WDR7: variants seen among roughly 807,000 people sequenced by gnomAD.
The protein encoded by WDR7 is WD repeat domain 7, also known as WD repeat-containing protein 7.
Under a neutral mutation model 169.4 loss-of-function variants are expected in WDR7, and 46 were observed. That is an observed-to-expected ratio of 0.27 (90% CI 0.21 to 0.35). The LOEUF (loss-of-function observed/expected upper bound fraction) is 0.35. WDR7 is among the 10% of genes least tolerant of loss of function. The probability of loss-of-function intolerance (pLI) is 1.00; values close to 1 mark genes in which losing one functional copy is unlikely to be tolerated. For synonymous variants in WDR7, 612 were observed against 666.8 expected, an observed-to-expected ratio of 0.92 and a Z score of 1.27; for missense variants, 1,534 against 1,859.3, an observed-to-expected ratio of 0.83 and a Z score of 3.22.
At chr18:56,963,083 A>T (rs1182587773) in intron 26 of WDR7, among the ~76,000 whole-genome samples, 1 of 152,136 alleles carries the variant, frequency 6.6e-6, no homozygotes, top group African/African-American at 2.4e-5. Flanking sequence ...GTGAAAAATT[A>T]TTGATTTAGT....
At chr18:56,798,331 T>C (rs1342269977) in intron 19 of WDR7, among the ~76,000 whole-genome samples, 2 of 152,196 alleles carry the variant, frequency 1.3e-5, no homozygotes, top group South Asian at 2.1e-4. Flanking sequence ...ATGAGTTTAC[T>C]TGTAGCTTTG....
At chr18:56,699,913 G>C in intron 12 of WDR7, 1 of 975,660 alleles carries the variant, frequency 1.0e-6, no homozygotes, top group Non-Finnish European at 1.2e-6. Flanking sequence ...ATACATGTCA[G>C]TAGGTATTTA....
intron 27 of WDR7, among the ~76,000 whole-genome samples, chr18:57,023,088 C>G (rs1266279461): frequency 6.6e-6 from 1 of 152,236 alleles, no homozygotes; most frequent in Middle Eastern, 3.2e-3. Context: ...GTACCAAACT[C>G]AGTCTTGAAA....
intron 25 of WDR7, among the ~76,000 whole-genome samples, chr18:56,940,774 C>T (rs905668144): frequency 1.3e-5 from 2 of 152,064 alleles, no homozygotes; most frequent in African/African-American, 4.8e-5. Context: ...CTTATAGCAC[C>T]AGCCACTGGC....
chr18:56,697,202 C>T (rs2025722735), intron 12 of WDR7, among the ~76,000 whole-genome samples: 1 of 152,148 alleles, frequency 6.6e-6, no homozygotes, highest in Non-Finnish European at 1.5e-5. Flanking sequence ...ACAAGTCATG[C>T]TTATCATAAT....
chr18:56,954,489 A>G (rs1340342627), intron 25 of WDR7, among the ~76,000 whole-genome samples: 1 of 152,142 alleles, frequency 6.6e-6, no homozygotes, highest in Non-Finnish European at 1.5e-5. Flanking sequence ...AAATAAAATC[A>G]TTTTTAAAAA....
chr18:56,974,553 T>A (rs1460262025), intron 26 of WDR7, among the ~76,000 whole-genome samples: 1 of 152,134 alleles, frequency 6.6e-6, no homozygotes, highest in East Asian at 1.9e-4. Context: ...GTCATAGAGC[T>A]TAACTAGTTA....
chr18:56,968,454 TAG>T (rs1285230532), intron 26 of WDR7, among the ~76,000 whole-genome samples: 1 of 152,250 alleles, frequency 6.6e-6, no homozygotes, highest in African/African-American at 2.4e-5. Flanking sequence ...TGTTTCTGTG[TAG>T]AGAGAATAGG....
At chr18:56,921,013 G>C (rs186990040) in intron 21 of WDR7, among the ~76,000 whole-genome samples, 2 of 152,130 alleles carry the variant, frequency 1.3e-5, no homozygotes, top group East Asian at 3.9e-4. Context: ...TTTAAAGGCT[G>C]GTTTCTTAAT....
intron 21 of WDR7, among the ~76,000 whole-genome samples, chr18:56,883,366 T>G (rs974163321): frequency 1.3e-5 from 2 of 152,090 alleles, no homozygotes; most frequent in African/African-American, 4.8e-5. Flanking sequence ...CTAATCACAG[T>G]TTATCTTTAC....
At chr18:56,668,623 G>A (rs2025070197) in intron 1 of WDR7, among the ~76,000 whole-genome samples, 1 of 152,156 alleles carries the variant, frequency 6.6e-6, no homozygotes, top group South Asian at 2.1e-4. Flanking sequence ...TAATTATTAG[G>A]AGTTTGGAAT....
At chr18:56,656,378 C>G (rs9945519) in intron 1 of WDR7, among the ~76,000 whole-genome samples, 102 of 150,356 alleles carry the variant, frequency 6.8e-4, no homozygotes, top group African/African-American at 2.3e-3. Context: ...CTCCCAGATT[C>G]AAGCAATTCT....
intron 26 of WDR7, among the ~76,000 whole-genome samples, chr18:57,016,719 TTAAG>T (rs1356446258): frequency 2.0e-5 from 3 of 152,216 alleles, no homozygotes; most frequent in Non-Finnish European, 4.4e-5. Flanking sequence ...CTTGGGTACA[TTAAG>T]TATTGTTCAT....
intron 14 of WDR7, 33 bp downstream of exon 14, chr18:56,731,630 A>G (rs1034177020): frequency 2.6e-6 from 4 of 1,557,042 alleles, no homozygotes; most frequent in Non-Finnish European, 1.8e-6. Flanking sequence ...TGAAGTGTGT[A>G]GACCCCATTT....
chr18:56,701,615 G>A (rs2025836170), intron 12 of WDR7, among the ~76,000 whole-genome samples: 1 of 151,974 alleles, frequency 6.6e-6, no homozygotes, highest in Admixed American at 6.6e-5. Flanking sequence ...AAATTATATT[G>A]CCACTTCAAA....
chr18:56,989,939 AGT>A (rs1265750920), intron 26 of WDR7, among the ~76,000 whole-genome samples: 26 of 152,250 alleles, frequency 1.7e-4, no homozygotes, highest in Non-Finnish European at 3.4e-4. Flanking sequence ...CCAAGTCTAT[AGT>A]AAGTGTCCAC....
chr18:56,772,518 A>AG (rs1439038258), intron 16 of WDR7, among the ~76,000 whole-genome samples: 6 of 152,192 alleles, frequency 3.9e-5, no homozygotes, highest in Middle Eastern at 3.2e-3. Flanking sequence ...ACAGAAAAGA[A>AG]GACAAATGGG....
At chr18:56,970,034 A>G (rs751910984) in intron 26 of WDR7, among the ~76,000 whole-genome samples, 33 of 152,178 alleles carry the variant, frequency 2.2e-4, no homozygotes, top group Non-Finnish European at 4.4e-4. Context: ...TATAAAATGG[A>G]CATAATAACA....
At chr18:56,721,491 T>C (rs1328418727) in intron 13 of WDR7, 3 of 152,326 alleles carry the variant, frequency 2.0e-5, no homozygotes, top group South Asian at 2.1e-4. Flanking sequence ...AATTATTCTT[T>C]CACATCTCTA....
Sources: allele counts gnomAD v4.1 joint callset (sites outside exome capture counted in the v4.1 genomes callset), GRCh38; gene constraint gnomAD v4.1.1; transcripts MANE v1.5; gene names NCBI Gene and HGNC (gene_info 2026-07-23, HGNC 2026-07-21).